Variants in RHOU observed in about 807,000 individuals in gnomAD.
RHOU encodes the protein rho-related GTP-binding protein RhoU.
A neutral mutation model predicts 12.6 loss-of-function variants in RHOU; 8 were observed. That is an observed-to-expected ratio of 0.64 (90% CI 0.37 to 1.15). The LOEUF (loss-of-function observed/expected upper bound fraction) is 1.15. RHOU is among the 50% of genes most tolerant of loss of function. The pLI is 0.01. For synonymous variants in RHOU, 161 were observed against 147.4 expected (o/e 1.09, Z -0.67); for missense variants, 258 against 347.0 (o/e 0.74, Z 2.04).
At chr1:228,723,608 C>G in the RHOU span, among the ~76,000 whole-genome samples, 2 of 152,196 alleles carry the variant, frequency 1.3e-5, no homozygotes, top group Non-Finnish European at 2.9e-5. Context: ...ATTTGCATAT[C>G]AAAGGTTGCC....
the RHOU span, among the ~76,000 whole-genome samples, chr1:228,702,904 ATC>A: frequency 6.6e-6 from 1 of 152,184 alleles, no homozygotes; most frequent in African/African-American, 2.4e-5. Flanking sequence ...TCTTAGAACT[ATC>A]TGTTTTATTG....
chr1:228,671,615 G>A, the RHOU span, among the ~76,000 whole-genome samples: 3 of 149,976 alleles, frequency 2.0e-5, no homozygotes, highest in Non-Finnish European at 4.4e-5. Flanking sequence ...TACTCATGAG[G>A]CTGAGGCAGG....
the RHOU span, among the ~76,000 whole-genome samples, chr1:228,660,669 C>A: frequency 2.0e-5 from 3 of 151,748 alleles, no homozygotes; most frequent in African/African-American, 7.3e-5. Context: ...TGCGGTGGCT[C>A]ACACCTGTAA....
chr1:228,701,839 T>C, the RHOU span, among the ~76,000 whole-genome samples: 1 of 151,782 alleles, frequency 6.6e-6, no homozygotes, highest in Non-Finnish European at 1.5e-5. Flanking sequence ...GTCTTTTTTG[T>C]TAGTACACTT....
chr1:228,721,018 C>T, the RHOU span, among the ~76,000 whole-genome samples: 4 of 152,100 alleles, frequency 2.6e-5, no homozygotes, highest in African/African-American at 4.8e-5. Flanking sequence ...GAATTTATCG[C>T]CTTGGGGGCA....
At chr1:228,705,557 A>G in the RHOU span, among the ~76,000 whole-genome samples, 1 of 152,228 alleles carries the variant, frequency 6.6e-6, no homozygotes, top group African/African-American at 2.4e-5. Context: ...GCTAAAATGC[A>G]AAAGTCCCTG....
chr1:228,716,638 A>T, the RHOU span, among the ~76,000 whole-genome samples: 55 of 152,276 alleles, frequency 3.6e-4, no homozygotes, highest in African/African-American at 1.1e-3. Flanking sequence ...CAGTGGTCAC[A>T]ACATAGTTGA....
At chr1:228,693,355 T>C in the RHOU span, among the ~76,000 whole-genome samples, 1 of 152,216 alleles carries the variant, frequency 6.6e-6, no homozygotes, top group Non-Finnish European at 1.5e-5. Context: ...TCTTTGATCC[T>C]CAGATAGGAT....
chr1:228,717,490 C>T, the RHOU span, among the ~76,000 whole-genome samples: 1 of 152,376 alleles, frequency 6.6e-6, no homozygotes, highest in South Asian at 2.1e-4. Context: ...GTGATCTACA[C>T]ACACCTCCTT....
In RHOU at chr1:228,735,850, G is replaced by A; in HGVS notation, c.108G>A (p.Pro36=). Residue 36 remains proline (P), a synonymous_variant, in exon 1 of 3, where the codon CCG becomes CCA. Transcript: ENST00000366691. The surrounding 1 kb of genome is among the most constrained non-coding windows in gnomAD (Gnocchi z 8.1). ...GCGGGGGACGCGGGCCTGGGGAGCC[G>A]GGGGGCCGGGGGCGTGCGGGGGGTG... ...GGRGGRGPGE[P]GGRGRAGGAE... is the part of the protein sequence containing the mutation. 3.0e-6 allele frequency: 4 copies of A among 1,317,710 alleles called. No individual in the cohort carries two copies. The highest frequency in any genetic ancestry group is 3.9e-6 in the Non-Finnish European group (4 of 1,035,244). 81.6% of individuals were successfully genotyped at this position (1,317,710 alleles called of 1,614,324 possible). A position where few individuals can be genotyped will look rare whatever the true frequency, so the allele number is the denominator to read the frequency against.
At chr1:228,657,460 T>C in the RHOU span, among the ~76,000 whole-genome samples, 4 of 151,798 alleles carry the variant, frequency 2.6e-5, no homozygotes, top group Admixed American at 6.6e-5. Flanking sequence ...TAATAAAAGG[T>C]TTAAAATAAC....
chr1:228,726,898 T>C, the RHOU span, among the ~76,000 whole-genome samples: 2 of 152,342 alleles, frequency 1.3e-5, no homozygotes, highest in African/African-American at 2.4e-5. Context: ...GGACCCAAGA[T>C]TGTGCTAAAG....
In RHOU at chr1:228,743,621, G is replaced by A. The variant is rs776181808; in HGVS notation, c.658G>A (p.Val220Ile). Residue 220 changes from valine to isoleucine, a missense_variant, in exon 3 of 3, where the codon GTC (valine) becomes ATC (isoleucine). Physicochemically the swap from Val to Ile is conservative, Grantham distance 29. Coordinates refer to ENST00000366691, the MANE Select transcript of RHOU (RefSeq NM_021205.6). The surrounding 1 kb of genome is among the most constrained non-coding windows in gnomAD (Gnocchi z 5.1). ...CAAAGAGGTCTTTGATGCAGCCATC[G>A]TCGCTGGCATTCAATACTCGGACAC... ...NLKEVFDAAIVAGIQYSDTQQ... is the reference protein window; with the variant it reads ...NLKEVFDAAIIAGIQYSDTQQ... The A allele has an allele frequency of 3.7e-6, 6 of 1,614,062 alleles. No individual in the cohort carries two copies. In the African/African-American group the frequency reaches 5.3e-5, roughly 14 times the overall value.
chr1:228,646,650 A>G, the RHOU span, among the ~76,000 whole-genome samples: 2 of 144,968 alleles, frequency 1.4e-5, no homozygotes, highest in Non-Finnish European at 3.0e-5. Context: ...CCGGGCTGGC[A>G]CTAGAGGCGG....
chr1:228,688,510 C>A, the RHOU span, among the ~76,000 whole-genome samples: 1 of 152,114 alleles, frequency 6.6e-6, no homozygotes. Context: ...ATTATTTAAC[C>A]CCTCCTTCCA....
At chr1:228,707,775 T>C in the RHOU span, among the ~76,000 whole-genome samples, 3 of 152,130 alleles carry the variant, frequency 2.0e-5, no homozygotes, top group Non-Finnish European at 4.4e-5. Flanking sequence ...AGGAATGCAG[T>C]TCCTCACCAG....
chr1:228,706,656 G>A, the RHOU span, among the ~76,000 whole-genome samples: 9 of 152,164 alleles, frequency 5.9e-5, no homozygotes, highest in Non-Finnish European at 1.2e-4. Context: ...ATTATTTTAC[G>A]TGTTTTTTGG....
At position 228,745,843 on chromosome 1, in the gene RHOU, A is replaced by C. The variant is rs1188548970; in HGVS notation, c.*2103A>C. The C allele has an allele frequency of 6.6e-6, 1 of 152,268 alleles. No individual in the cohort carries two copies. The highest frequency in any genetic ancestry group is 2.4e-5 in the African/African-American group (1 of 41,468). 9.4% of individuals were successfully genotyped at this position (152,268 alleles called of 1,614,324 possible). A position where few individuals can be genotyped will look rare whatever the true frequency, so the allele number is the denominator to read the frequency against. Reference sequence around the variant, plus strand: ...TGAAACACTATTTTTATATTAAAGTAAATGGCATGGAGTATAGTGCAAATT... The same window carrying C: ...TGAAACACTATTTTTATATTAAAGTCAATGGCATGGAGTATAGTGCAAATT... On this transcript the variant is annotated 3_prime_UTR_variant, in exon 3 of 3. Coordinates refer to ENST00000366691, the MANE Select transcript of RHOU (RefSeq NM_021205.6).
chr1:228,694,716 C>A, the RHOU span, among the ~76,000 whole-genome samples: 32 of 152,184 alleles, frequency 2.1e-4, no homozygotes, highest in African/African-American at 7.7e-4. Flanking sequence ...TTTATCCAAT[C>A]TATCATTGAT....
Sources: gnomAD v4.1 joint callset for allele counts (sites outside exome capture counted in the v4.1 genomes callset) on GRCh38, gnomAD v4.1.1 for gene constraint, Gnocchi (gnomAD v3.1) non-coding constraint, MANE v1.5 for transcripts, NCBI Gene and HGNC (gene_info 2026-07-23, HGNC 2026-07-21) for gene names.